UGT8: variants seen among roughly 807,000 people sequenced by gnomAD.
UGT8 encodes the protein 2-hydroxyacylsphingosine 1-beta-galactosyltransferase.
A neutral mutation model predicts 40.5 loss-of-function variants in UGT8; 12 were observed. The ratio of observed to expected loss-of-function variants is 0.30; its 90% CI spans 0.19 to 0.48. The LOEUF (loss-of-function observed/expected upper bound fraction) is 0.48. UGT8 is among the 20% of genes least tolerant of loss of function. The pLI, the probability that UGT8 is intolerant of heterozygous loss-of-function variation, is 0.99. For missense variants in UGT8, 513 were observed against 648.7 expected (o/e 0.79, Z 2.27); for synonymous variants, 224 against 240.4 (o/e 0.93, Z 0.63).
At chr4:114,626,499 A>C (rs967460916) in intron 2 of UGT8, among the ~76,000 whole-genome samples, 1 of 152,226 alleles carries the variant, frequency 6.6e-6, no homozygotes, top group African/African-American at 2.4e-5. Context: ...AAATTTATAA[A>C]GGACATTTTA....
chr4:114,671,101 C>T (rs181681526), intron 5 of UGT8, among the ~76,000 whole-genome samples: 3 of 151,968 alleles, frequency 2.0e-5, no homozygotes, highest in Admixed American at 6.6e-5. Context: ...ATACAGCTAT[C>T]GGGATGTGAA....
intron 2 of UGT8, among the ~76,000 whole-genome samples, chr4:114,635,392 A>G (rs1399721117): frequency 1.3e-5 from 2 of 152,068 alleles, no homozygotes; most frequent in African/African-American, 2.4e-5. Flanking sequence ...TTGATTTTGT[A>G]CAATACAGAA....
At chr4:114,633,292 A>G (rs28442226) in intron 2 of UGT8, among the ~76,000 whole-genome samples, 3 of 152,218 alleles carry the variant, frequency 2.0e-5, no homozygotes, top group African/African-American at 7.2e-5. Flanking sequence ...AATATGATGC[A>G]TATTTCCAAA....
intron 1 of UGT8, among the ~76,000 whole-genome samples, chr4:114,599,910 T>C (rs1357897636): frequency 6.6e-6 from 1 of 152,108 alleles, no homozygotes; most frequent in Non-Finnish European, 1.5e-5. Flanking sequence ...ATACAAGCTT[T>C]CTGGTTTAAT....
intron 1 of UGT8, among the ~76,000 whole-genome samples, chr4:114,615,736 T>G (rs1019680033): frequency 6.6e-6 from 1 of 152,174 alleles, no homozygotes; most frequent in Non-Finnish European, 1.5e-5. Flanking sequence ...CATTAGAAAT[T>G]GCACATAGCA....
At chr4:114,648,369 TG>T (rs1392497458) in intron 2 of UGT8, among the ~76,000 whole-genome samples, 2 of 101,024 alleles carry the variant, frequency 2.0e-5, no homozygotes, top group African/African-American at 3.1e-5. Context: ...ACAGAAAATC[TG>T]GTTTTTTTTT....
intron 3 of UGT8, 33 bp downstream of exon 3, chr4:114,664,170 T>C: frequency 6.2e-7 from 1 of 1,608,434 alleles, no homozygotes; most frequent in Non-Finnish European, 8.5e-7. Context: ...TTCTTTGCTA[T>C]TGACAATCAA....
intron 2 of UGT8, among the ~76,000 whole-genome samples, chr4:114,650,523 T>C (rs547842543): frequency 9.2e-5 from 14 of 152,316 alleles, no homozygotes; most frequent in African/African-American, 3.4e-4. Context: ...CTAACAAATA[T>C]ATTAAAGTTG....
In UGT8 at chr4:114,608,508, A is replaced by T. The variant is rs184918660; in HGVS notation, c.-3+9534A>T. Reference sequence around the variant, plus strand: ...TTTTTTCCAGAACTGCATCATTCAAACTTGAAACATTCCCCTATTTTTTTT... The same window carrying T: ...TTTTTTCCAGAACTGCATCATTCAATCTTGAAACATTCCCCTATTTTTTTT... On this transcript the variant is annotated intron_variant, in intron 1 of 5. Transcript: ENST00000310836. Among the ~76,000 whole-genome samples, 39 of 152,142 alleles carry T rather than the reference A, an allele frequency of 2.6e-4. No homozygotes were observed. The East Asian group carries it at 7.3e-3, about 29-fold the overall frequency.
chr4:114,623,171 A>G lies in UGT8; in HGVS notation c.291A>G (p.Arg97=), dbSNP rs771473973. 6.2e-7 allele frequency: 1 copy of G among 1,613,992 alleles called. No individual in the cohort carries two copies. The highest frequency in any genetic ancestry group is 8.5e-7 in the Non-Finnish European group (1 of 1,180,002). The change falls in exon 2 of 6, where the codon AGA becomes AGG. Residue 97 remains arginine, a synonymous_variant. Coordinates refer to ENST00000310836, the MANE Select transcript of UGT8 (RefSeq NM_001128174.3). ...AGATGCGGAATATTTTCTCTGGGAG[A>G]TTGACAGCAATCGAACTGTTTGACA... ...QSKMRNIFSG[R]LTAIELFDIL...
Position 114,676,506 on chromosome 4 carries a change from T to G in UGT8, c.*218T>G, listed in dbSNP as rs191391576. On this transcript the variant is annotated 3_prime_UTR_variant, in exon 6 of 6. Coordinates refer to ENST00000310836, the MANE Select transcript of UGT8 (RefSeq NM_001128174.3). ...ATTCAAATACTGATGTAGAGAGTTT[T>G]GGCACTGAACCTTTTAGAAGCCTTA... The G allele has an allele frequency of 2.2e-6, 1 of 458,560 alleles. No individual in the cohort carries two copies. The highest frequency in any genetic ancestry group is 3.9e-5 in the Admixed American group (1 of 25,366). 28.4% of individuals were successfully genotyped at this position (458,560 alleles called of 1,614,324 possible). A position where few individuals can be genotyped will look rare whatever the true frequency, so the allele number is the denominator to read the frequency against.
chr4:114,598,680 C>A (rs1184506724), upstream of UGT8: 5 of 107,702 alleles, frequency 4.6e-5, no homozygotes, highest in African/African-American at 1.5e-4. Flanking sequence ...ACTCTGCTCG[C>A]CGCACGCAGG....
intron 3 of UGT8, 44 bp from the exon 4 acceptor site, chr4:114,665,636 A>C (rs1317606482): frequency 6.6e-7 from 1 of 1,521,436 alleles, no homozygotes; most frequent in East Asian, 2.4e-5. Flanking sequence ...TACTATGAGT[A>C]AGGTTTGATT....
At chr4:114,661,430 A>G (rs1734529114) in intron 2 of UGT8, among the ~76,000 whole-genome samples, 1 of 152,164 alleles carries the variant, frequency 6.6e-6, no homozygotes, top group Non-Finnish European at 1.5e-5. Flanking sequence ...GGCCTCCCAA[A>G]CCACTGGACG....
chr4:114,613,714 G>A (rs945902591), intron 1 of UGT8, among the ~76,000 whole-genome samples: 2 of 151,992 alleles, frequency 1.3e-5, no homozygotes, highest in East Asian at 1.9e-4. Flanking sequence ...CTGTCAGTTC[G>A]GTGGGAGAAT....
chr4:114,672,226 G>A (rs1303414661), intron 5 of UGT8, among the ~76,000 whole-genome samples: 1 of 152,206 alleles, frequency 6.6e-6, no homozygotes, highest in Non-Finnish European at 1.5e-5. Context: ...TGGTGGGAAT[G>A]TAAATTAGTT....
At chr4:114,625,568 T>TCCA (rs1289539346) in intron 2 of UGT8, among the ~76,000 whole-genome samples, 1 of 150,684 alleles carries the variant, frequency 6.6e-6, no homozygotes, top group Non-Finnish European at 1.5e-5. Flanking sequence ...TTTCTTTCCT[T>TCCA]CCAGTTCCTG....
intron 2 of UGT8, among the ~76,000 whole-genome samples, chr4:114,645,412 G>T (rs1270526882): frequency 6.6e-6 from 1 of 152,076 alleles, no homozygotes; most frequent in East Asian, 1.9e-4. Context: ...CATTCAAGTC[G>T]CATAGCGAGA....
chr4:114,600,461 AAATC>A (rs1445987352), intron 1 of UGT8, among the ~76,000 whole-genome samples: 7 of 152,212 alleles, frequency 4.6e-5, no homozygotes, highest in Non-Finnish European at 7.3e-5. Flanking sequence ...CCCCAGAAAA[AAATC>A]ACCACCATTT....
Sources: allele counts gnomAD v4.1 joint callset (sites outside exome capture counted in the v4.1 genomes callset), GRCh38; gene constraint gnomAD v4.1.1; transcripts MANE v1.5; gene names NCBI Gene and HGNC (gene_info 2026-07-23, HGNC 2026-07-21).